The following UBE2G2 variants were observed in gnomAD, a reference collection of about 807,000 sequenced individuals.
The protein encoded by UBE2G2 is ubiquitin-conjugating enzyme E2 G2.
UBE2G2 carries 10 observed loss-of-function variants against 23.0 expected under a neutral mutation model. The ratio of observed to expected loss-of-function variants is 0.43; its 90% CI spans 0.27 to 0.74. The LOEUF (loss-of-function observed/expected upper bound fraction) is 0.74, where lower values mean the gene tolerates loss of function less well. UBE2G2 is among the 30% of genes least tolerant of loss of function. UBE2G2 has a pLI of 0.19. For missense variants in UBE2G2, 150 were observed against 218.3 expected (o/e 0.69, Z 1.97); for synonymous variants, 86 against 81.3 (o/e 1.06, Z -0.31).
chr21:44,790,722 T>TA (rs1186304181), intron 1 of UBE2G2, among the ~76,000 whole-genome samples: 2 of 152,236 alleles, frequency 1.3e-5, no homozygotes, highest in Non-Finnish European at 2.9e-5. Context: ...GTGAGTCAAT[T>TA]AAACCTCTTT....
intron 1 of UBE2G2, among the ~76,000 whole-genome samples, chr21:44,799,761 T>G (rs1555964458): frequency 1.3e-5 from 2 of 152,252 alleles, no homozygotes; most frequent in Non-Finnish European, 1.5e-5. Flanking sequence ...ACTTTTCCTT[T>G]GCATTCACAA....
chr21:44,782,903 T>C (rs1425823939), intron 3 of UBE2G2, among the ~76,000 whole-genome samples: 2 of 152,144 alleles, frequency 1.3e-5, no homozygotes, highest in South Asian at 2.1e-4. Context: ...AAGCATGCTC[T>C]ATATAAGAAA....
intron 1 of UBE2G2, among the ~76,000 whole-genome samples, chr21:44,792,668 C>A (rs1555963092): frequency 6.6e-6 from 1 of 152,164 alleles, no homozygotes; most frequent in Non-Finnish European, 1.5e-5. Flanking sequence ...TAAGAACGGA[C>A]TAATGTACCG....
Position 44,771,301 on chromosome 21 carries a change from A to T in UBE2G2, c.*76T>A. The T allele has an allele frequency of 7.2e-7, 1 of 1,385,570 alleles. No homozygotes were observed. Among genetic ancestry groups the T allele is most frequent in the Non-Finnish European group, 1.0e-6 (1 of 983,490 alleles). The allele number at this position is 1,385,570 out of a possible 1,614,324, so 85.8% of individuals were successfully genotyped here. ...GCCTTGTTTGGTACCAGCACAGAGC[A>T]TCACTGTCACTAAGTGTGCCGGGGG... On this transcript the variant is annotated 3_prime_UTR_variant, in exon 6 of 6. Coordinates refer to ENST00000345496, the MANE Select transcript of UBE2G2 (RefSeq NM_003343.6). This position sits in a 1 kb window ranked among gnomAD's most constrained non-coding sequence, Gnocchi z 4.6.
chr21:44,773,465 T>C, intron 5 of UBE2G2, 82 bp downstream of exon 5: 1 of 1,494,000 alleles, frequency 6.7e-7, no homozygotes, highest in Non-Finnish European at 8.9e-7. Flanking sequence ...AAGGACATTC[T>C]AAAGACAGGA....
chr21:44,787,776 C>A, intron 3 of UBE2G2, 144 bp downstream of exon 3: 1 of 832,016 alleles, frequency 1.2e-6, no homozygotes, highest in South Asian at 2.0e-5. Flanking sequence ...TTCAGACCAG[C>A]AGCCTAGACG....
At chr21:44,798,267 G>A (rs1178884714) in intron 1 of UBE2G2, among the ~76,000 whole-genome samples, 1 of 152,248 alleles carries the variant, frequency 6.6e-6, no homozygotes, top group Non-Finnish European at 1.5e-5. Flanking sequence ...TTTTGCCGGT[G>A]CAGTCTTGCC....
chr21:44,773,224 T>C (rs1817339431), intron 5 of UBE2G2, among the ~76,000 whole-genome samples: 1 of 151,700 alleles, frequency 6.6e-6, no homozygotes, highest in Non-Finnish European at 1.5e-5. Context: ...AGAGTTGGGG[T>C]CTTTGTCACA....
intron 1 of UBE2G2, among the ~76,000 whole-genome samples, chr21:44,797,004 G>T (rs1171741423): frequency 6.6e-6 from 1 of 152,168 alleles, no homozygotes; most frequent in African/African-American, 2.4e-5. Context: ...CGGTAATCCA[G>T]AATAATCTCC....
intron 1 of UBE2G2, among the ~76,000 whole-genome samples, chr21:44,790,024 GTAT>G (rs2083031048): frequency 6.6e-6 from 1 of 152,100 alleles, no homozygotes; most frequent in Non-Finnish European, 1.5e-5. Context: ...CTGGTCTTTG[GTAT>G]TTTTTTACAG....
At position 44,770,212 on chromosome 21, in the gene UBE2G2, C is replaced by T. The variant is rs2082862500; in HGVS notation, c.*1165G>A. On this transcript the variant is annotated 3_prime_UTR_variant, in exon 6 of 6. Coordinates refer to ENST00000345496, the MANE Select transcript of UBE2G2 (RefSeq NM_003343.6). Reference sequence around the variant, plus strand: ...ATTTTGTGCTAATAAATTCCCAGTGCATCCAAAATGTACAAAAACCCTAGA... The same window carrying T: ...ATTTTGTGCTAATAAATTCCCAGTGTATCCAAAATGTACAAAAACCCTAGA... The T allele has an allele frequency of 6.6e-6, 1 of 151,998 alleles. No individual in the cohort carries two copies. Among genetic ancestry groups the T allele is most frequent in the African/African-American group, 2.4e-5 (1 of 41,364 alleles). The allele number at this position is 151,998 out of a possible 1,614,324, so 9.4% of individuals were successfully genotyped here.
chr21:44,801,519 C>G, intron 1 of UBE2G2, 187 bp downstream of exon 1: 1 of 1,105,120 alleles, frequency 9.0e-7, no homozygotes, highest in South Asian at 2.2e-5. Context: ...CTTCTCTTCA[C>G]GACTTCACGC....
intron 3 of UBE2G2, among the ~76,000 whole-genome samples, chr21:44,782,971 A>G (rs1555961505): frequency 6.6e-6 from 1 of 152,264 alleles, no homozygotes; most frequent in Non-Finnish European, 1.5e-5. Context: ...AAAAGACTCT[A>G]TTAAGAAAAC....
intron 1 of UBE2G2, among the ~76,000 whole-genome samples, chr21:44,798,872 C>A (rs891381570): frequency 1.3e-5 from 2 of 152,188 alleles, no homozygotes; most frequent in Non-Finnish European, 2.9e-5. Context: ...ATTTTCTTTG[C>A]CCAGATCCAT....
At chr21:44,785,041 A>G (rs1042754675) in intron 3 of UBE2G2, among the ~76,000 whole-genome samples, 3 of 152,210 alleles carry the variant, frequency 2.0e-5, no homozygotes, top group Non-Finnish European at 4.4e-5. Context: ...CACCCCCGTC[A>G]CCGTGGCTTA....
At chr21:44,801,401 G>A in intron 1 of UBE2G2, 1 of 1,197,668 alleles carries the variant, frequency 8.3e-7, no homozygotes, top group Non-Finnish European at 1.0e-6. Context: ...TCTCAAGGCT[G>A]CCAAGAAAAG....
intron 1 of UBE2G2, among the ~76,000 whole-genome samples, chr21:44,794,214 A>C (rs1057401227): frequency 2.0e-5 from 3 of 152,210 alleles, no homozygotes; most frequent in South Asian, 4.1e-4. Flanking sequence ...ATGAGGAAAT[A>C]CATTTCTGTT....
At chr21:44,797,714 CAAAAAAAAAAAAAA>C (rs60369865) in intron 1 of UBE2G2, among the ~76,000 whole-genome samples, 3 of 39,296 alleles carry the variant, frequency 7.6e-5, no homozygotes, top group African/African-American at 1.1e-4. Context: ...AACTCCGTCT[CAAAAAAAAAAAAAA>C]AAAAAAAAAA....
intron 1 of UBE2G2, among the ~76,000 whole-genome samples, chr21:44,795,908 G>A (rs187146978): frequency 2.2e-4 from 34 of 152,332 alleles, no homozygotes; most frequent in Non-Finnish European, 4.6e-4. Flanking sequence ...TGGAGGCAGA[G>A]ATTAGAATTA....
Sources: allele counts gnomAD v4.1 joint callset (sites outside exome capture counted in the v4.1 genomes callset), GRCh38; gene constraint gnomAD v4.1.1; non-coding constraint Gnocchi (gnomAD v3.1); transcripts MANE v1.5; gene names NCBI Gene and HGNC (gene_info 2026-07-23, HGNC 2026-07-21).